The following RNF216 variants were observed in gnomAD, a reference collection of about 807,000 sequenced individuals.
The protein encoded by RNF216 is E3 ubiquitin-protein ligase RNF216.
Under a neutral mutation model 110.8 loss-of-function variants are expected in RNF216, and 72 were observed. That is an observed-to-expected ratio of 0.65 (90% CI 0.54 to 0.79). RNF216 has a LOEUF of 0.79. Among genes scored for constraint, RNF216 ranks in the 30% least tolerant of loss-of-function variants. The pLI, the probability that RNF216 is intolerant of heterozygous loss-of-function variation, is 0.00. For synonymous variants in RNF216, 495 were observed against 407.5 expected (o/e 1.21, Z -2.59); for missense variants, 1,342 against 1,141.2 (o/e 1.18, Z -2.54).
At chr7:5,750,624 T>G (rs1018492071) in intron 3 of RNF216, among the ~76,000 whole-genome samples, 3 of 152,242 alleles carry the variant, frequency 2.0e-5, no homozygotes, top group Non-Finnish European at 4.4e-5. Flanking sequence ...TCGCAAGGAA[T>G]AAGTCTCATG....
chr7:5,698,384 TACACACACACAC>T (rs376096873), intron 13 of RNF216, among the ~76,000 whole-genome samples: 32 of 145,396 alleles, frequency 2.2e-4, no homozygotes, highest in East Asian at 1.0e-3. Context: ...GATTCTTTTA[TACACACACACAC>T]ACACACACAC....
chr7:5,661,233 C>T (rs1789117253), intron 13 of RNF216, among the ~76,000 whole-genome samples: 1 of 152,224 alleles, frequency 6.6e-6, no homozygotes, highest in African/African-American at 2.4e-5. Context: ...AGCCACTGCG[C>T]CCAGCCCCTG....
At chr7:5,728,648 T>C (rs1485264539) in intron 7 of RNF216, among the ~76,000 whole-genome samples, 2 of 152,008 alleles carry the variant, frequency 1.3e-5, no homozygotes, top group East Asian at 1.9e-4. Context: ...TGAGCCACAG[T>C]CCTTGGCTTG....
chr7:5,702,968 C>G (rs982647829), intron 13 of RNF216, among the ~76,000 whole-genome samples: 3 of 152,156 alleles, frequency 2.0e-5, no homozygotes, highest in African/African-American at 7.2e-5. Context: ...AGAGCTCTGC[C>G]AGGCACCCTA....
Position 5,725,345 on chromosome 7 carries a change from T to C in RNF216, c.1483A>G (p.Ile495Val). 2 of 1,606,836 alleles carry C rather than the reference T, an allele frequency of 1.2e-6. No individual in the cohort carries two copies. Among genetic ancestry groups the C allele is most frequent in the Non-Finnish European group, 1.7e-6 (2 of 1,173,354 alleles). ...TTACCTTGTTCAAACTTGAAATCAA[T>C]GTAAGAATACTGGTTCATTTGTTTT... Reference protein sequence around the residue: ...KRKQMNQYSYIDFKFEQGDIK... With the variant: ...KRKQMNQYSYVDFKFEQGDIK... Residue 495 changes from isoleucine to valine, a missense_variant, in exon 8 of 17, where the codon ATT becomes GTT. Physicochemically the swap from Ile to Val is conservative, Grantham distance 29. Transcript: ENST00000389902.
chr7:5,752,783 T>C, intron 3 of RNF216, 63 bp downstream of exon 3: 1 of 1,565,764 alleles, frequency 6.4e-7, no homozygotes, highest in Non-Finnish European at 8.7e-7. Flanking sequence ...CCCACAAGAG[T>C]GGCTGAAAAA....
At chr7:5,647,707 G>T (rs1336345893) in intron 14 of RNF216, among the ~76,000 whole-genome samples, 1 of 152,110 alleles carries the variant, frequency 6.6e-6, no homozygotes, top group Non-Finnish European at 1.5e-5. Context: ...AGAAGCCTGA[G>T]AATCATTCTA....
Position 5,741,614 on chromosome 7 carries a change from G to A in RNF216, c.403C>T (p.Leu135=), listed in dbSNP as rs749037144. The A allele has an allele frequency of 1.2e-6, 2 of 1,614,166 alleles. No homozygotes were observed. The highest frequency in any genetic ancestry group is 2.2e-5 in the East Asian group (1 of 44,876). The change falls in exon 4 of 17, where the codon CTG becomes TTG. Residue 135 remains leucine (L), a synonymous_variant. Transcript: ENST00000389902. ...DDSEDDYGEF[L]DLGPPGISEF... is the part of the protein sequence containing the mutation. ...GAGATTCCAGGAGGCCCAAGATCCA[G>A]AAATTCACCGTAGTCATCCTCAGAA...
chr7:5,698,165 T>C (rs1184990607), intron 13 of RNF216, among the ~76,000 whole-genome samples: 1 of 152,176 alleles, frequency 6.6e-6, no homozygotes. Flanking sequence ...AGTTTTAAAA[T>C]CCTCGGTTTT....
intron 1 of RNF216, among the ~76,000 whole-genome samples, chr7:5,777,085 A>G (rs1233448906): frequency 1.3e-5 from 2 of 152,170 alleles, no homozygotes; most frequent in Non-Finnish European, 2.9e-5. Flanking sequence ...GATCACACAG[A>G]AAGACCTGAC....
Position 5,725,020 on chromosome 7 carries a change from T to C in RNF216, c.1504+304A>G, listed in dbSNP as rs534197282. Among the ~76,000 whole-genome samples, 6 of 152,310 alleles carry C rather than the reference T, an allele frequency of 3.9e-5. No homozygotes were observed. The East Asian group carries it at 5.8e-4, about 15-fold the overall frequency. On this transcript the variant is annotated intron_variant, in intron 8 of 16. Transcript: ENST00000389902. ...AACACAGCCAATTCGCATCAAACCT[T>C]TGAGACCAGTTTTTCCCCCCAAGCT... is the stretch of plus-strand genomic sequence containing the variant.
At position 5,737,818 on chromosome 7, in the gene RNF216, G is replaced by A. The variant is rs1217488123; in HGVS notation, c.1121+1458C>T. Among the ~76,000 whole-genome samples, 8 of 151,962 alleles carry A rather than the reference G, an allele frequency of 5.3e-5. No homozygotes were observed. In the East Asian group the frequency reaches 5.8e-4, roughly 11 times the overall value. The stretch of plus-strand genomic sequence containing the variant: ...TTAAATTTACCACCAGGCTGAGCAC[G>A]GTGGCTTATGGCTGTAATCCCAGCA... On this transcript the variant is annotated intron_variant, in intron 5 of 16. Coordinates refer to ENST00000389902, the MANE Select transcript of RNF216 (RefSeq NM_207111.4).
chr7:5,690,061 G>A (rs1050639107), intron 13 of RNF216, among the ~76,000 whole-genome samples: 1 of 152,104 alleles, frequency 6.6e-6, no homozygotes, highest in African/African-American at 2.4e-5. Context: ...GCGGTGGGTG[G>A]CTCATGCCTG....
intron 15 of RNF216, among the ~76,000 whole-genome samples, chr7:5,627,789 G>C (rs1210813566): frequency 6.7e-6 from 1 of 150,178 alleles, no homozygotes; most frequent in Non-Finnish European, 1.5e-5. Context: ...TTTTCCCTCA[G>C]ACTCTCCCCT....
chr7:5,771,191 T>C (rs966526111), intron 1 of RNF216, among the ~76,000 whole-genome samples: 1 of 152,180 alleles, frequency 6.6e-6, no homozygotes, highest in Non-Finnish European at 1.5e-5. Context: ...TATGATGCTG[T>C]ACTCAAAAGC....
At chr7:5,753,950 G>A (rs1387083321) in intron 2 of RNF216, among the ~76,000 whole-genome samples, 2 of 152,036 alleles carry the variant, frequency 1.3e-5, no homozygotes, top group African/African-American at 4.8e-5. Flanking sequence ...AGCTGAGATC[G>A]CAACACTGCA....
intron 15 of RNF216, among the ~76,000 whole-genome samples, chr7:5,633,841 T>C (rs1787231282): frequency 6.6e-6 from 1 of 152,084 alleles, no homozygotes; most frequent in South Asian, 2.1e-4. Context: ...TGAGGTAGAA[T>C]TTACCAGAGA....
intron 13 of RNF216, among the ~76,000 whole-genome samples, chr7:5,660,491 C>G (rs1018501933): frequency 4.0e-5 from 6 of 151,362 alleles, no homozygotes; most frequent in African/African-American, 1.5e-4. Flanking sequence ...AGGGTTTCAC[C>G]ATGTCGGCCA....
At chr7:5,733,141 T>G (rs1794188608) in intron 5 of RNF216, 2 of 152,204 alleles carry the variant, frequency 1.3e-5, no homozygotes, top group African/African-American at 4.8e-5. Context: ...CATTTTAGTT[T>G]AGTTGTGGAG....
Sources: gnomAD v4.1 joint callset for allele counts (sites outside exome capture counted in the v4.1 genomes callset) on GRCh38, gnomAD v4.1.1 for gene constraint, MANE v1.5 for transcripts, NCBI Gene and HGNC (gene_info 2026-07-23, HGNC 2026-07-21) for gene names.